Variants in GLI3 observed in about 807,000 individuals in gnomAD.
GLI3 encodes GLI family zinc finger 3, also known as transcription activator GLI3.
Under a neutral mutation model 100.8 loss-of-function variants are expected in GLI3, and 20 were observed. The observed-to-expected ratio is 0.20, with a 90% confidence interval of 0.14 to 0.29. The LOEUF is 0.29. Among genes scored for constraint, GLI3 ranks in the 10% least tolerant of loss-of-function variants. The probability of loss-of-function intolerance (pLI) is 1.00; values close to 1 mark genes in which losing one functional copy is unlikely to be tolerated. For synonymous variants in GLI3, 938 were observed against 860.5 expected (o/e 1.09, Z -1.58); for missense variants, 2,040 against 2,128.5 (o/e 0.96, Z 0.82).
At chr7:42,132,246 G>GC (rs1008371904) in intron 3 of GLI3, among the ~76,000 whole-genome samples, 7 of 69,754 alleles carry the variant, frequency 1.0e-4, no homozygotes, top group African/African-American at 7.8e-4. Flanking sequence ...GACTACAGGC[G>GC]CCCGCCACTA....
chr7:41,968,874 T>G (rs1787296382), intron 13 of GLI3, among the ~76,000 whole-genome samples: 1 of 152,116 alleles, frequency 6.6e-6, no homozygotes, highest in African/African-American at 2.4e-5. Flanking sequence ...TCCCTAATAG[T>G]TCACTAGGAG....
chr7:41,971,715 A>G (rs1787368498), intron 13 of GLI3, among the ~76,000 whole-genome samples: 3 of 152,126 alleles, frequency 2.0e-5, no homozygotes, highest in Admixed American at 6.5e-5. Context: ...GAACAAAAAA[A>G]CAAACAAAAA....
intron 3 of GLI3, among the ~76,000 whole-genome samples, chr7:42,090,839 A>G (rs1454577120): frequency 6.6e-6 from 1 of 152,220 alleles, no homozygotes; most frequent in Non-Finnish European, 1.5e-5. Context: ...CTCTTCATAT[A>G]TTTTCTTGCT....
At chr7:42,245,312 C>T (rs1386712048) in intron 1 of GLI3, among the ~76,000 whole-genome samples, 1 of 152,152 alleles carries the variant, frequency 6.6e-6, no homozygotes, top group Non-Finnish European at 1.5e-5. Flanking sequence ...GTAAATTTTA[C>T]TTTTGCCGCT....
rs144326558 is a variant in GLI3, at chr7:42,054,182, T to C, written c.474-5486A>G. Reference sequence around the variant, plus strand: ...ATGAAAATAGATTACAATGAAAGAGTAGAAGATTCTTATCAGAGCATTTTT... The same window carrying C: ...ATGAAAATAGATTACAATGAAAGAGCAGAAGATTCTTATCAGAGCATTTTT... On this transcript the variant is annotated intron_variant, in intron 4 of 14. Coordinates refer to ENST00000395925, the MANE Select transcript of GLI3 (RefSeq NM_000168.6). Among the ~76,000 whole-genome samples, 991 of 152,274 alleles carry C rather than the reference T, an allele frequency of 6.5e-3. 12 individuals are homozygous for C. The highest frequency in any genetic ancestry group is 0.022 in the African/African-American group (909 of 41,548).
chr7:42,046,084 C>G (rs1348757482), intron 5 of GLI3, among the ~76,000 whole-genome samples: 4 of 152,220 alleles, frequency 2.6e-5, no homozygotes, highest in Non-Finnish European at 5.9e-5. Flanking sequence ...TTTAAAAGCT[C>G]TCTTTTCCTT....
intron 1 of GLI3, among the ~76,000 whole-genome samples, chr7:42,224,137 G>C (rs981963085): frequency 6.6e-6 from 1 of 152,108 alleles, no homozygotes; most frequent in African/African-American, 2.4e-5. Context: ...TCTGGTTCAT[G>C]TTCCTTTTTG....
At chr7:42,165,365 G>C (rs1314993713) in intron 2 of GLI3, among the ~76,000 whole-genome samples, 1 of 152,064 alleles carries the variant, frequency 6.6e-6, no homozygotes, top group East Asian at 1.9e-4. Context: ...TCTACATGAA[G>C]GTTTTAAGAG....
At chr7:42,155,953 A>G (rs1293303205) in intron 2 of GLI3, among the ~76,000 whole-genome samples, 1 of 152,092 alleles carries the variant, frequency 6.6e-6, no homozygotes, top group Non-Finnish European at 1.5e-5. Context: ...ACCCTCACAA[A>G]TAAGAGGTCT....
At chr7:41,977,361 C>T (rs1028352963) in intron 12 of GLI3, among the ~76,000 whole-genome samples, 197 bp downstream of exon 12, 1 of 152,214 alleles carries the variant, frequency 6.6e-6, no homozygotes, top group Non-Finnish European at 1.5e-5. Context: ...CTCCTCATCT[C>T]TTATTATTCT....
intron 2 of GLI3, among the ~76,000 whole-genome samples, chr7:42,215,801 C>T (rs1038689517): frequency 6.6e-6 from 1 of 152,092 alleles, no homozygotes; most frequent in African/African-American, 2.4e-5. Flanking sequence ...GATATTGTTC[C>T]CTAACTCTAG....
chr7:41,990,865 A>AGTGTGTGTGT lies in GLI3; in HGVS notation c.1498-12127_1498-12118dup, dbSNP rs57245025. ...TGGCAATTAAAAATAGATTAAGGCA[A>AGTGTGTGTGT]GTGTGTGTGTGTGTGTGTGTGTGTG... On this transcript the variant is annotated intron_variant, in intron 10 of 14. Coordinates refer to ENST00000395925, the MANE Select transcript of GLI3 (RefSeq NM_000168.6). 2.4e-3 allele frequency among the ~76,000 whole-genome samples: 339 copies of AGTGTGTGTGT among 142,832 alleles called. 3 individuals carry two copies. Among genetic ancestry groups the AGTGTGTGTGT allele is most frequent in the African/African-American group, 7.7e-3 (301 of 39,166 alleles). 93.7% of individuals were successfully genotyped at this position (142,832 alleles called of 152,430 possible). A position where few individuals can be genotyped will look rare whatever the true frequency, so the allele number is the denominator to read the frequency against.
chr7:42,156,011 G>A (rs1273804057), intron 2 of GLI3, among the ~76,000 whole-genome samples: 3 of 152,084 alleles, frequency 2.0e-5, no homozygotes, highest in East Asian at 1.9e-4. Context: ...CACTGATGAC[G>A]AGGTCAGCGA....
chr7:42,116,232 A>ATT (rs1459098221), intron 3 of GLI3, among the ~76,000 whole-genome samples: 1 of 152,142 alleles, frequency 6.6e-6, no homozygotes, highest in Admixed American at 6.5e-5. Context: ...ACAGCTCCCT[A>ATT]TTTAAGTGCT....
chr7:42,063,932 C>G (rs1277995946), intron 4 of GLI3, among the ~76,000 whole-genome samples: 5 of 152,156 alleles, frequency 3.3e-5, no homozygotes, highest in African/African-American at 1.2e-4. Context: ...GCATGTATGC[C>G]TACACTTACA....
chr7:42,038,447 T>C (rs1488953045), intron 7 of GLI3, among the ~76,000 whole-genome samples: 34 of 152,232 alleles, frequency 2.2e-4, no homozygotes, highest in Admixed American at 2.2e-3. Context: ...AGTTTACAGA[T>C]GTGAAGACTA....
At chr7:42,182,883 A>G (rs1453108360) in intron 2 of GLI3, among the ~76,000 whole-genome samples, 1 of 151,616 alleles carries the variant, frequency 6.6e-6, no homozygotes, top group Admixed American at 6.6e-5. Flanking sequence ...GGAGTTCAAG[A>G]ATGGCCTGGC....
upstream of GLI3, among the ~76,000 whole-genome samples, chr7:42,237,342 C>G (rs1305924809): frequency 6.6e-6 from 1 of 152,006 alleles, no homozygotes; most frequent in Non-Finnish European, 1.5e-5. Flanking sequence ...TTGGTTCAAC[C>G]GCGGGAGGGA....
chr7:42,144,675 GA>G (rs35103701), intron 3 of GLI3, among the ~76,000 whole-genome samples: 10 of 148,386 alleles, frequency 6.7e-5, no homozygotes, highest in Non-Finnish European at 9.0e-5. Context: ...TTCTGAAGGG[GA>G]AAAAAAAACA....
Sources: gnomAD v4.1 joint callset for allele counts (sites outside exome capture counted in the v4.1 genomes callset) on GRCh38, gnomAD v4.1.1 for gene constraint, MANE v1.5 for transcripts, NCBI Gene and HGNC (gene_info 2026-07-23, HGNC 2026-07-21) for gene names.